Variants in OTUD5 observed in about 807,000 individuals in gnomAD.
OTUD5 encodes OTU deubiquitinase 5.
Under a neutral mutation model 36.3 loss-of-function variants are expected in OTUD5, and 2 were observed. The ratio of observed to expected loss-of-function variants is 0.06; its 90% CI spans 0.02 to 0.17. OTUD5 has a LOEUF of 0.17. Ranked by LOEUF, OTUD5 falls within the 10% of genes least tolerant of loss-of-function variation. The pLI, the probability that OTUD5 is intolerant of heterozygous loss-of-function variation, is 1.00. For synonymous variants in OTUD5, 234 were observed against 214.9 expected, an observed-to-expected ratio of 1.09 and a Z score of -0.78; for missense variants, 233 against 512.3, an observed-to-expected ratio of 0.45 and a Z score of 5.26.
intron 1 of OTUD5, among the ~76,000 whole-genome samples, chrX:48,956,389 C>CT (rs2064240449): frequency 9.0e-6 from 1 of 111,274 alleles, no homozygotes; most frequent in Non-Finnish European, 1.9e-5. Flanking sequence ...ACTTAGGACC[C>CT]TTGAGGTCTC....
At chrX:48,955,465 C>T (rs1430597443) in intron 1 of OTUD5, among the ~76,000 whole-genome samples, 2 of 111,451 alleles carry the variant, frequency 1.8e-5, no homozygotes, top group African/African-American at 6.5e-5. Context: ...ATCTTAAGTT[C>T]CTTGAGGAGG....
chrX:48,956,328 T>TGTGC (rs2064239240), intron 1 of OTUD5, among the ~76,000 whole-genome samples: 1 of 109,967 alleles, frequency 9.1e-6, no homozygotes, highest in Admixed American at 9.6e-5. Context: ...TGTGTGTGTG[T>TGTGC]GTGTCAGGAC....
At chrX:48,955,752 G>A (rs1250722035) in intron 1 of OTUD5, among the ~76,000 whole-genome samples, 3 of 111,241 alleles carry the variant, frequency 2.7e-5, no homozygotes, top group African/African-American at 3.3e-5. Context: ...TGTTACAGAG[G>A]GGAAAATGGG....
chrX:48,948,193 CA>C (rs1178845401), intron 1 of OTUD5, among the ~76,000 whole-genome samples: 1 of 111,811 alleles, frequency 8.9e-6, no homozygotes. Context: ...ACTGAAAATA[CA>C]AAAAATTAGC....
intron 2 of OTUD5, among the ~76,000 whole-genome samples, chrX:48,942,206 G>T (rs1557051222): frequency 1.1e-5 from 1 of 93,491 alleles, no homozygotes; most frequent in Non-Finnish European, 2.1e-5. Context: ...AGGGTCGGGG[G>T]TATTTGGGGA....
At position 48,957,591 on chromosome X, in the gene OTUD5, C is replaced by T. The variant is rs1557056029; in HGVS notation, c.-21G>A. 6.0e-6 allele frequency: 5 copies of T among 835,886 alleles called. No homozygotes were observed. The highest frequency in any genetic ancestry group is 1.2e-4 in the South Asian group (2 of 16,162). 68.9% of individuals were successfully genotyped at this position (835,886 alleles called of 1,213,427 possible). ...GTCATGGCTGCACTGCCGAGTACCC[C>T]CCAACAAACCCGGCGCGGGGCACGC... is the stretch of plus-strand genomic sequence containing the variant. On this transcript the variant is annotated 5_prime_UTR_variant, in exon 1 of 9. Transcript: ENST00000376488.
At position 48,922,933 on chromosome X, in the gene OTUD5, T is replaced by C; in HGVS notation, c.*241A>G. ...CCCCTGTGGAATGCAGGGATGGTTC[T>C]GTGCGGGATGGGGTGGGGGGCAACA... On this transcript the variant is annotated 3_prime_UTR_variant, in exon 9 of 9. Transcript: ENST00000376488. 9.7e-7 allele frequency: 1 copy of C among 1,029,766 alleles called. No homozygotes were observed. Among genetic ancestry groups the C allele is most frequent in the Non-Finnish European group, 1.2e-6 (1 of 805,523 alleles). 84.9% of individuals were successfully genotyped at this position (1,029,766 alleles called of 1,213,427 possible). A position where few individuals can be genotyped will look rare whatever the true frequency, so the allele number is the denominator to read the frequency against.
rs1405190719 is a variant in OTUD5 at position 48,957,429 on chromosome X, C to T, written c.142G>A (p.Gly48Ser). 2 of 1,024,836 alleles carry T rather than the reference C, an allele frequency of 2.0e-6. No individual in the cohort carries two copies. The highest frequency in any genetic ancestry group is 2.5e-6 in the Non-Finnish European group (2 of 807,354). 84.5% of individuals were successfully genotyped at this position (1,024,836 alleles called of 1,213,427 possible). The stretch of plus-strand genomic sequence containing the variant: ...ACGCCGGAGTCACGGTCGCGATCGC[C>T]GCCGCCCACGCCCGTGCCGCCGCCG... ...VGGGGTGVGG[G>S]DRDRDSGVVG... The change falls in exon 1 of 9, where the codon GGC becomes AGC. Residue 48 changes from glycine (G) to serine (S), a missense_variant. By Grantham distance (56) the Gly-to-Ser change is moderately conservative. Around this residue, in one of 3 missense-constraint regions of OTUD5, gnomAD observed 155 missense variants for 217.2 expected, o/e 0.71. Transcript: ENST00000376488.
At chrX:48,925,618 C>A (rs1557047548) in intron 6 of OTUD5, among the ~76,000 whole-genome samples, 1 of 112,655 alleles carries the variant, frequency 8.9e-6, no homozygotes, top group Non-Finnish European at 1.9e-5. Flanking sequence ...TCTCGTGTCA[C>A]CAGCAGCATG....
At chrX:48,937,212 C>T (rs924532591) in intron 2 of OTUD5, among the ~76,000 whole-genome samples, 31 of 111,950 alleles carry the variant, frequency 2.8e-4, no homozygotes, top group African/African-American at 9.1e-4. Flanking sequence ...ACATGTCCTG[C>T]GCACAGGCTG....
intron 2 of OTUD5, among the ~76,000 whole-genome samples, chrX:48,938,458 C>G (rs782224710): frequency 9.0e-6 from 1 of 110,847 alleles, no homozygotes; most frequent in African/African-American, 3.3e-5. Flanking sequence ...TTTGGGAGGC[C>G]GACGCAGGTG....
At chrX:48,931,725 G>A (rs1028058630) in intron 5 of OTUD5, among the ~76,000 whole-genome samples, 8 of 106,262 alleles carry the variant, frequency 7.5e-5, no homozygotes, top group Non-Finnish European at 1.5e-4. Context: ...GCTGCAGTGA[G>A]CCGAGATCGC....
At chrX:48,952,911 G>C (rs1297807583) in intron 1 of OTUD5, among the ~76,000 whole-genome samples, 3 of 112,111 alleles carry the variant, frequency 2.7e-5, no homozygotes, top group African/African-American at 9.7e-5. Flanking sequence ...GTTACTAGGA[G>C]TGGACAAAGG....
At chrX:48,925,735 C>T (rs1426588623) in intron 6 of OTUD5, 112 bp downstream of exon 6, 1 of 582,729 alleles carries the variant, frequency 1.7e-6, no homozygotes, top group Non-Finnish European at 2.8e-6. Flanking sequence ...GTGCTGGATG[C>T]TTCCTTCCCT....
intron 2 of OTUD5, 140 bp from the exon 3 acceptor site, chrX:48,935,158 C>T: frequency 3.5e-6 from 2 of 569,232 alleles, no homozygotes; most frequent in Non-Finnish European, 5.6e-6. Flanking sequence ...GAGTTCTTGC[C>T]CTTGTAGGCT....
intron 6 of OTUD5, among the ~76,000 whole-genome samples, chrX:48,924,676 T>A (rs2063635498): frequency 9.0e-6 from 1 of 111,433 alleles, no homozygotes; most frequent in Admixed American, 9.5e-5. Context: ...TGTCCTCCCC[T>A]CCATGTGCGC....
chrX:48,953,617 C>T (rs1557054393), intron 1 of OTUD5, among the ~76,000 whole-genome samples: 1 of 111,058 alleles, frequency 9.0e-6, no homozygotes, highest in African/African-American at 3.3e-5. Context: ...CAGCTTTTTC[C>T]ACCACCTCAG....
chrX:48,957,681 G>A (rs782676496), upstream of OTUD5: 60 of 792,926 alleles, frequency 7.6e-5, no homozygotes, highest in South Asian at 2.9e-3. Context: ...GGCGAGACCC[G>A]GATAAAGGGA....
intron 1 of OTUD5, 136 bp from the exon 2 acceptor site, chrX:48,944,419 A>AC: frequency 2.1e-6 from 1 of 465,376 alleles, no homozygotes; most frequent in South Asian, 3.0e-5. Flanking sequence ...GCCCTGTTTG[A>AC]CCACTCCATG....
Sources: gnomAD v4.1 joint callset for allele counts (sites outside exome capture counted in the v4.1 genomes callset) on GRCh38, gnomAD v4.1.1 for gene constraint, gnomAD v4.1.1 regional missense constraint, MANE v1.5 for transcripts, NCBI Gene and HGNC (gene_info 2026-07-23, HGNC 2026-07-21) for gene names.